Variants in ZNF536 observed in about 807,000 individuals in gnomAD.
ZNF536 encodes the protein zinc finger protein 536.
A neutral mutation model predicts 84.5 loss-of-function variants in ZNF536; 13 were observed. That is an observed-to-expected ratio of 0.15 (90% CI 0.10 to 0.24). The LOEUF (loss-of-function observed/expected upper bound fraction) is 0.24, where lower values mean the gene tolerates loss of function less well. Ranked by LOEUF, ZNF536 falls within the 10% of genes least tolerant of loss-of-function variation. The pLI is 1.00. For synonymous variants in ZNF536, 811 were observed against 742.5 expected, an observed-to-expected ratio of 1.09 and a Z score of -1.50; for missense variants, 1,536 against 1,747.5, an observed-to-expected ratio of 0.88 and a Z score of 2.16.
intron 1 of ZNF536, among the ~76,000 whole-genome samples, chr19:30,592,309 C>A (rs2047303478): frequency 6.6e-6 from 1 of 152,112 alleles, no homozygotes. Flanking sequence ...TAAGGGGTAC[C>A]CAACACCCCA....
intron 1 of ZNF536, among the ~76,000 whole-genome samples, chr19:30,674,319 C>T (rs893803932): frequency 2.0e-5 from 3 of 152,216 alleles, no homozygotes; most frequent in African/African-American, 7.2e-5. Context: ...TGTGCCCAGG[C>T]TGCCCGGGGA....
intron 2 of ZNF536, among the ~76,000 whole-genome samples, chr19:30,485,728 A>G (rs2054280138): frequency 6.6e-6 from 1 of 151,816 alleles, no homozygotes; most frequent in African/African-American, 2.4e-5. Flanking sequence ...TCTTTGTTAT[A>G]AGGATTAATT....
At chr19:30,456,816 C>T (rs1241670160) in intron 2 of ZNF536, among the ~76,000 whole-genome samples, 1 of 151,952 alleles carries the variant, frequency 6.6e-6, no homozygotes, top group Non-Finnish European at 1.5e-5. Flanking sequence ...CCAAGGTGGG[C>T]AGATCACTTG....
At chr19:30,643,924 A>T (rs2049363222) in intron 1 of ZNF536, among the ~76,000 whole-genome samples, 1 of 152,308 alleles carries the variant, frequency 6.6e-6, no homozygotes, top group Non-Finnish European at 1.5e-5. Flanking sequence ...ATTTGAATCA[A>T]AAATTGGGGG....
chr19:30,578,533 A>G (rs562351988), intron 1 of ZNF536, among the ~76,000 whole-genome samples: 11 of 152,188 alleles, frequency 7.2e-5, no homozygotes, highest in South Asian at 2.1e-4. Context: ...CCTGGTCTCT[A>G]TGTAAGTTTT....
intron 2 of ZNF536, among the ~76,000 whole-genome samples, chr19:30,484,834 C>A (rs2054237400): frequency 6.6e-6 from 1 of 151,866 alleles, no homozygotes; most frequent in African/African-American, 2.4e-5. Flanking sequence ...GTGCTATAAG[C>A]TTTGTAGAGT....
intron 1 of ZNF536, among the ~76,000 whole-genome samples, chr19:30,432,006 T>TATATATAC (rs149223384): frequency 1.4e-5 from 2 of 146,080 alleles, no homozygotes; most frequent in African/African-American, 2.6e-5. Flanking sequence ...TATATATATA[T>TATATATAC]ACACACACAC....
chr19:30,430,967 C>T (rs114027882), intron 1 of ZNF536, among the ~76,000 whole-genome samples: 7,376 of 152,300 alleles, frequency 0.048, 344 homozygotes, highest in African/African-American at 0.12. Flanking sequence ...TGAGCCACCT[C>T]GCCTGCCCAT....
At position 30,445,401 on chromosome 19, in the gene ZNF536, C is replaced by G. The variant is rs2148223114; in HGVS notation, c.1839C>G (p.Asn613Lys). The change falls in exon 2 of 5, where the codon AAC becomes AAG. Residue 613 changes from asparagine to lysine, a missense_variant. Asn to Lys is a moderately conservative substitution (Grantham distance 94). Transcript: ENST00000355537. This position sits in a 1 kb window ranked among gnomAD's most constrained non-coding sequence, Gnocchi z 4.5. ...SSRDFLSHGL[N>K]QTLEYNLQGP... ...GGGATTTTTTGTCACACGGGCTGAA[C>G]CAGACTCTCGAGTATAACCTGCAGG... The G allele has an allele frequency of 1.2e-6, 2 of 1,614,156 alleles. No individual in the cohort carries two copies. The highest frequency in any genetic ancestry group is 1.7e-6 in the Non-Finnish European group (2 of 1,180,034).
intron 1 of ZNF536, among the ~76,000 whole-genome samples, chr19:30,633,259 A>C (rs963323067): frequency 6.6e-6 from 1 of 152,198 alleles, no homozygotes; most frequent in Non-Finnish European, 1.5e-5. Flanking sequence ...GTCGATATTC[A>C]ATTGTATTTA....
At chr19:30,557,107 A>G in intron 4 of ZNF536, 50 bp from the exon 5 acceptor site, 1 of 1,610,806 alleles carries the variant, frequency 6.2e-7, no homozygotes, top group Admixed American at 1.7e-5. Context: ...AAATGCCTCT[A>G]GCCCTGATGG....
At chr19:30,519,215 C>T (rs1384329837) in intron 2 of ZNF536, among the ~76,000 whole-genome samples, 1 of 152,242 alleles carries the variant, frequency 6.6e-6, no homozygotes, top group East Asian at 1.9e-4. Context: ...CTCCCCCAGC[C>T]CAGCTCTGGG....
At chr19:30,705,328 T>TGTGC (rs1254970535) in intron 1 of ZNF536, among the ~76,000 whole-genome samples, 1 of 152,100 alleles carries the variant, frequency 6.6e-6, no homozygotes, top group Non-Finnish European at 1.5e-5. Flanking sequence ...TGTGTGTGTG[T>TGTGC]GTGTGTGTCT....
intron 1 of ZNF536, among the ~76,000 whole-genome samples, chr19:30,246,046 C>A (rs948697911): frequency 1.3e-5 from 2 of 152,016 alleles, no homozygotes; most frequent in Admixed American, 1.3e-4. Context: ...GTCGTGGAGA[C>A]GAGAGAAGAT....
chr19:30,238,553 C>T (rs2023712037), intron 1 of ZNF536, among the ~76,000 whole-genome samples: 1 of 151,972 alleles, frequency 6.6e-6, no homozygotes, highest in Non-Finnish European at 1.5e-5. Context: ...CCATCTTTTC[C>T]CTACAGCCAA....
At chr19:30,313,965 A>C (rs963676858) in intron 2 of ZNF536, among the ~76,000 whole-genome samples, 1 of 152,204 alleles carries the variant, frequency 6.6e-6, no homozygotes, top group African/African-American at 2.4e-5. Context: ...AAGGAAGTTC[A>C]TCAAAGTCCT....
At chr19:30,447,977 C>T (rs1424890713) in intron 2 of ZNF536, among the ~76,000 whole-genome samples, 1 of 152,204 alleles carries the variant, frequency 6.6e-6, no homozygotes, top group Non-Finnish European at 1.5e-5. Flanking sequence ...TCATGCTATT[C>T]CTATCTCTGT....
At chr19:30,653,890 C>T (rs953770431) in intron 1 of ZNF536, among the ~76,000 whole-genome samples, 3 of 152,156 alleles carry the variant, frequency 2.0e-5, no homozygotes, top group African/African-American at 7.2e-5. Flanking sequence ...GGCTGCGTGC[C>T]CCCCTGCTGC....
intron 1 of ZNF536, among the ~76,000 whole-genome samples, chr19:30,707,728 G>A (rs993688625): frequency 3.0e-4 from 45 of 152,200 alleles, no homozygotes; most frequent in African/African-American, 1.0e-3. Context: ...TGTAATTCCT[G>A]GCAGGGCATG....
Sources: gnomAD v4.1 joint callset for allele counts (sites outside exome capture counted in the v4.1 genomes callset) on GRCh38, gnomAD v4.1.1 for gene constraint, Gnocchi (gnomAD v3.1) non-coding constraint, MANE v1.5 for transcripts, NCBI Gene and HGNC (gene_info 2026-07-23, HGNC 2026-07-21) for gene names.